Variants in CSMD3 observed in about 807,000 individuals in gnomAD.
CSMD3 encodes CUB and Sushi multiple domains 3, also known as CUB and sushi domain-containing protein 3.
CSMD3 carries 177 observed loss-of-function variants against 435.2 expected under a neutral mutation model. That is an observed-to-expected ratio of 0.41 (90% CI 0.36 to 0.46). CSMD3 has a LOEUF of 0.46. Among genes scored for constraint, CSMD3 ranks in the 20% least tolerant of loss-of-function variants. The pLI, the probability that CSMD3 is intolerant of heterozygous loss-of-function variation, is 0.34. For missense variants in CSMD3, 4,265 were observed against 4,504.6 expected (o/e 0.95, Z 1.52); for synonymous variants, 1,656 against 1,520.5 (o/e 1.09, Z -2.07).
chr8:112,327,411 A>G (rs992235093), intron 45 of CSMD3, among the ~76,000 whole-genome samples: 5 of 152,174 alleles, frequency 3.3e-5, no homozygotes, highest in Non-Finnish European at 7.4e-5. Flanking sequence ...AAGTGAAATG[A>G]GGTGGACAAG....
chr8:113,406,501 A>G (rs1337187329), intron 1 of CSMD3, among the ~76,000 whole-genome samples: 1 of 152,064 alleles, frequency 6.6e-6, no homozygotes, highest in African/African-American at 2.4e-5. Context: ...AAATAATGTA[A>G]ATAATGGCAT....
At chr8:113,116,550 AG>A (rs1365659691) in intron 4 of CSMD3, among the ~76,000 whole-genome samples, 1 of 152,146 alleles carries the variant, frequency 6.6e-6, no homozygotes, top group East Asian at 1.9e-4. Flanking sequence ...TGGTACAGGG[AG>A]CGGGGCACTT....
intron 31 of CSMD3, among the ~76,000 whole-genome samples, chr8:112,487,567 A>T (rs1302932448): frequency 6.6e-6 from 1 of 152,152 alleles, no homozygotes; most frequent in Admixed American, 6.6e-5. Context: ...CCATTGGTGG[A>T]TTTTGAGTAA....
intron 23 of CSMD3, among the ~76,000 whole-genome samples, chr8:112,577,347 A>G (rs1025437244): frequency 6.6e-6 from 1 of 152,096 alleles, no homozygotes; most frequent in African/African-American, 2.4e-5. Flanking sequence ...AAAACAAAAC[A>G]AACAAAATAT....
At chr8:112,612,182 GA>G (rs796792816) in intron 22 of CSMD3, among the ~76,000 whole-genome samples, 1 of 151,976 alleles carries the variant, frequency 6.6e-6, no homozygotes, top group African/African-American at 2.4e-5. Flanking sequence ...ATTTTCCTGA[GA>G]AAAAAATCTC....
intron 30 of CSMD3, among the ~76,000 whole-genome samples, chr8:112,501,926 T>A (rs1473241767): frequency 1.3e-5 from 2 of 152,102 alleles, no homozygotes; most frequent in East Asian, 1.9e-4. Flanking sequence ...AGGGGCCAAA[T>A]CAATTTTCAG....
intron 24 of CSMD3, among the ~76,000 whole-genome samples, chr8:112,567,116 A>C (rs2131274545): frequency 6.6e-6 from 1 of 152,208 alleles, no homozygotes; most frequent in South Asian, 2.1e-4. Context: ...TTCCAACTTT[A>C]TCACTCATTT....
At position 113,289,554 on chromosome 8, in the gene CSMD3, C is replaced by CAGAGAGAGAG. The variant is rs66595138; in HGVS notation, c.402-10860_402-10851dup. On this transcript the variant is annotated intron_variant, in intron 2 of 70. Coordinates refer to ENST00000297405, the MANE Select transcript of CSMD3 (RefSeq NM_198123.2). The stretch of plus-strand genomic sequence containing the variant: ...CAATTAGAAGACAGACAGAGAGAGA[C>CAGAGAGAGAG]AGAGAGAGAGAGAGAGAGAGAGAGA... Among the ~76,000 whole-genome samples the CAGAGAGAGAG allele has an allele frequency of 7.3e-3, 1,047 of 143,284 alleles. 4 individuals are homozygous for CAGAGAGAGAG. The highest frequency in any genetic ancestry group is 0.015 in the African/African-American group (588 of 38,628). The allele number at this position is 143,284 out of a possible 152,430, so 94.0% of individuals were successfully genotyped here. A position where few individuals can be genotyped will look rare whatever the true frequency, so the allele number is the denominator to read the frequency against.
At chr8:112,337,754 C>T (rs2130968009) in intron 42 of CSMD3, 23 bp from the exon 43 acceptor site, 1 of 1,591,938 alleles carries the variant, frequency 6.3e-7, no homozygotes, top group Non-Finnish European at 8.6e-7. Flanking sequence ...AAAAGAAAGA[C>T]ATTTTTTCTT....
At chr8:113,223,153 ATAT>A (rs573790335) in intron 3 of CSMD3, among the ~76,000 whole-genome samples, 2 of 150,876 alleles carry the variant, frequency 1.3e-5, no homozygotes, top group South Asian at 4.1e-4. Flanking sequence ...TAATAAATTA[ATAT>A]TATTTTTGAA....
intron 35 of CSMD3, among the ~76,000 whole-genome samples, chr8:112,399,472 G>T (rs954441490): frequency 6.6e-6 from 1 of 152,026 alleles, no homozygotes; most frequent in African/African-American, 2.4e-5. Flanking sequence ...GGCCAGACTG[G>T]CTTCGAACTC....
chr8:113,143,524 A>G lies in CSMD3; in HGVS notation c.709+30198T>C, dbSNP rs142177071. On this transcript the variant is annotated intron_variant, in intron 4 of 70. Transcript: ENST00000297405. Reference sequence around the variant, plus strand: ...GTTCACACAAAACCTCATATACCCAATAGCCAAAACTGTAAACAGTGAAGA... The same window carrying G: ...GTTCACACAAAACCTCATATACCCAGTAGCCAAAACTGTAAACAGTGAAGA... Among the ~76,000 whole-genome samples, 150 of 151,558 alleles carry G rather than the reference A, an allele frequency of 9.9e-4. 1 individual carries two copies. Among genetic ancestry groups the G allele is most frequent in the African/African-American group, 3.4e-3 (142 of 41,476 alleles).
At chr8:112,752,221 G>T (rs2077586436) in intron 13 of CSMD3, among the ~76,000 whole-genome samples, 1 of 152,020 alleles carries the variant, frequency 6.6e-6, no homozygotes, top group South Asian at 2.1e-4. Flanking sequence ...TACTCTGTTG[G>T]TTTTTCTCCT....
At chr8:112,494,291 CACTT>C (rs1441263789) in intron 30 of CSMD3, among the ~76,000 whole-genome samples, 1 of 148,048 alleles carries the variant, frequency 6.8e-6, no homozygotes, top group African/African-American at 2.5e-5. Flanking sequence ...CTCTCTCTCT[CACTT>C]TCTTTCTTTC....
intron 24 of CSMD3, among the ~76,000 whole-genome samples, chr8:112,571,888 G>A (rs28534466): frequency 0.21 from 29,243 of 139,508 alleles, 3,452 homozygotes; most frequent in East Asian, 0.42. Context: ...AAAAAAAAAA[G>A]AAAGAAAGAA....
intron 13 of CSMD3, among the ~76,000 whole-genome samples, chr8:112,692,393 G>C (rs951069074): frequency 6.6e-6 from 1 of 152,038 alleles, no homozygotes. Context: ...AAATTTATGG[G>C]TTGATCTATC....
intron 27 of CSMD3, among the ~76,000 whole-genome samples, chr8:112,525,271 A>C (rs1424522163): frequency 6.6e-6 from 1 of 150,926 alleles, no homozygotes; most frequent in Non-Finnish European, 1.5e-5. Context: ...AAGTTTTCTT[A>C]AATTATGTTT....
intron 1 of CSMD3, among the ~76,000 whole-genome samples, chr8:113,420,204 T>C (rs924249335): frequency 3.4e-4 from 51 of 152,218 alleles, no homozygotes; most frequent in Non-Finnish European, 6.5e-4. Context: ...ATGAAAAGCC[T>C]TGCCCCACAT....
intron 1 of CSMD3, among the ~76,000 whole-genome samples, chr8:113,346,225 T>G (rs2094150321): frequency 6.6e-6 from 1 of 152,054 alleles, no homozygotes; most frequent in African/African-American, 2.4e-5. Context: ...TCTTTTTTAC[T>G]TTTAGAATAT....
Sources: allele counts gnomAD v4.1 joint callset (sites outside exome capture counted in the v4.1 genomes callset), GRCh38; gene constraint gnomAD v4.1.1; transcripts MANE v1.5; gene names NCBI Gene and HGNC (gene_info 2026-07-23, HGNC 2026-07-21).